The following PALLD variants were observed in gnomAD, a reference collection of about 807,000 sequenced individuals.
PALLD encodes the protein palladin.
PALLD carries 61 observed loss-of-function variants against 123.5 expected under a neutral mutation model. The ratio of observed to expected loss-of-function variants is 0.49; its 90% CI spans 0.40 to 0.61. The LOEUF is 0.61. Ranked by LOEUF, PALLD falls within the 20% of genes least tolerant of loss-of-function variation. The pLI is 0.00. For synonymous variants in PALLD, 465 were observed against 496.4 expected (o/e 0.94, Z 0.84); for missense variants, 1,273 against 1,377.0 (o/e 0.92, Z 1.20).
intron 10 of PALLD, among the ~76,000 whole-genome samples, chr4:168,846,977 C>G (rs1049848514): frequency 6.6e-6 from 1 of 152,144 alleles, no homozygotes; most frequent in Non-Finnish European, 1.5e-5. Context: ...AAAGAAAAGG[C>G]CTGAAATTAG....
intron 10 of PALLD, among the ~76,000 whole-genome samples, chr4:168,882,681 T>G (rs1030150846): frequency 1.3e-5 from 2 of 152,166 alleles, no homozygotes; most frequent in Non-Finnish European, 2.9e-5. Flanking sequence ...GTCCAGTATC[T>G]TATCAAGTTG....
At chr4:168,649,867 A>G (rs573617491) in intron 2 of PALLD, among the ~76,000 whole-genome samples, 1 of 152,336 alleles carries the variant, frequency 6.6e-6, no homozygotes, top group South Asian at 2.1e-4. Flanking sequence ...TCTCTTTTGT[A>G]CATTTTAATA....
intron 2 of PALLD, among the ~76,000 whole-genome samples, chr4:168,573,716 G>C (rs1319170222): frequency 2.0e-5 from 3 of 152,066 alleles, no homozygotes; most frequent in African/African-American, 7.2e-5. Context: ...ATGCTTCTAG[G>C]AGGCCCTCTT....
At chr4:168,609,499 T>C (rs995565567) in intron 2 of PALLD, among the ~76,000 whole-genome samples, 7 of 152,146 alleles carry the variant, frequency 4.6e-5, no homozygotes, top group Admixed American at 3.3e-4. Flanking sequence ...TGACCCCACA[T>C]TGGGCAAGGG....
chr4:168,801,341 C>T (rs1468747454), intron 10 of PALLD, among the ~76,000 whole-genome samples: 1 of 152,314 alleles, frequency 6.6e-6, no homozygotes, highest in East Asian at 1.9e-4. Context: ...TGCAGTGGCA[C>T]GATCTTGGCT....
chr4:168,529,316 AAC>A (rs200598730), intron 2 of PALLD, among the ~76,000 whole-genome samples: 3,337 of 152,088 alleles, frequency 0.022, 132 homozygotes, highest in African/African-American at 0.076. Flanking sequence ...CAGCCTGAGC[AAC>A]AGAGCCAAAC....
At chr4:168,509,010 C>T (rs1762282789) in intron 1 of PALLD, among the ~76,000 whole-genome samples, 1 of 152,140 alleles carries the variant, frequency 6.6e-6, no homozygotes, top group South Asian at 2.1e-4. Flanking sequence ...TACTGGGTGT[C>T]CTTGCAATAG....
At position 168,915,575 on chromosome 4, in the gene PALLD, AAATG is replaced by A. The variant is rs1488700778; in HGVS notation, c.2718-318_2718-315del. Among the ~76,000 whole-genome samples the A allele has an allele frequency of 2.0e-5, 3 of 152,216 alleles. No homozygotes were observed. The East Asian group carries it at 5.8e-4, about 29-fold the overall frequency. On this transcript the variant is annotated intron_variant, in intron 16 of 21. Coordinates refer to ENST00000505667, the MANE Select transcript of PALLD (RefSeq NM_001166108.2). ...CTTCTGTTGAAAAAGATTTGGTAAT[AAATG>A]AGCAATAATGCTACTTTTCATAAAT... is the stretch of plus-strand genomic sequence containing the variant.
At chr4:168,594,198 G>A (rs1214462234) in intron 2 of PALLD, among the ~76,000 whole-genome samples, 2 of 152,210 alleles carry the variant, frequency 1.3e-5, no homozygotes, top group Non-Finnish European at 2.9e-5. Flanking sequence ...AGAGAGGGAA[G>A]GTAAGGAGAT....
chr4:168,912,539 G>A (rs748661290), intron 15 of PALLD, among the ~76,000 whole-genome samples: 24 of 152,172 alleles, frequency 1.6e-4, no homozygotes, highest in Non-Finnish European at 2.8e-4. Context: ...GGTGCCCTGA[G>A]TATTACTTGT....
At chr4:168,580,852 T>G (rs2149650721) in intron 2 of PALLD, among the ~76,000 whole-genome samples, 1 of 152,090 alleles carries the variant, frequency 6.6e-6, no homozygotes. Context: ...CCATTATCCT[T>G]AGCTAACTAA....
At chr4:168,748,540 C>G (rs954024129) in intron 10 of PALLD, among the ~76,000 whole-genome samples, 3 of 152,130 alleles carry the variant, frequency 2.0e-5, no homozygotes, top group African/African-American at 7.2e-5. Context: ...TAAAACACCC[C>G]ACATTTAATA....
At chr4:168,574,701 A>T (rs1769366601) in intron 2 of PALLD, among the ~76,000 whole-genome samples, 1 of 152,048 alleles carries the variant, frequency 6.6e-6, no homozygotes, top group African/African-American at 2.4e-5. Context: ...ATAAGAGTGG[A>T]GAAAAGAAAT....
chr4:168,730,203 G>A (rs1441769983), intron 10 of PALLD, among the ~76,000 whole-genome samples: 2 of 151,302 alleles, frequency 1.3e-5, no homozygotes, highest in African/African-American at 2.4e-5. Context: ...TTCTTTTGTT[G>A]CCTATTTTTA....
Position 168,627,091 on chromosome 4 carries a change from T to A in PALLD, c.909-41099T>A, listed in dbSNP as rs1276733711. 2.0e-5 allele frequency among the ~76,000 whole-genome samples: 3 copies of A among 152,248 alleles called. No individual in the cohort carries two copies. The East Asian group carries it at 5.8e-4, about 29-fold the overall frequency. On this transcript the variant is annotated intron_variant, in intron 2 of 21. Transcript: ENST00000505667. ...AATGATTGAGATGGTATATTTTATG[T>A]GTTTTTTAACAACAACTAACATTTA...
At chr4:168,758,812 A>G in intron 10 of PALLD, among the ~76,000 whole-genome samples, 1 of 152,058 alleles carries the variant, frequency 6.6e-6, no homozygotes, top group East Asian at 1.9e-4. Flanking sequence ...TCTCTCACCA[A>G]GAAATACTAC....
Position 168,703,065 on chromosome 4 carries a change from C to A in PALLD, c.1502-5963C>A, listed in dbSNP as rs536521585. ...CAATGCTATCCCTCCCCCCTCCCCC[C>A]ACCCCACAACAGTCCCCAGAGTGTG... On this transcript the variant is annotated intron_variant, in intron 8 of 21. Coordinates refer to ENST00000505667, the MANE Select transcript of PALLD (RefSeq NM_001166108.2). 4.2e-5 allele frequency among the ~76,000 whole-genome samples: 5 copies of A among 117,692 alleles called. No homozygotes were observed. The South Asian group carries it at 1.7e-3, about 40-fold the overall frequency. 77.2% of individuals were successfully genotyped at this position (117,692 alleles called of 152,430 possible).
At chr4:168,611,153 C>T (rs1245026955) in intron 2 of PALLD, among the ~76,000 whole-genome samples, 8 of 152,088 alleles carry the variant, frequency 5.3e-5, no homozygotes, top group East Asian at 1.9e-4. Context: ...TATCAGCAAA[C>T]GGAGTTGTTT....
intron 2 of PALLD, among the ~76,000 whole-genome samples, chr4:168,613,449 G>A (rs369915774): frequency 6.6e-6 from 1 of 152,154 alleles, no homozygotes. Context: ...ATCTTTACCT[G>A]TCCACATCAT....
Sources: gnomAD v4.1 joint callset for allele counts (sites outside exome capture counted in the v4.1 genomes callset) on GRCh38, gnomAD v4.1.1 for gene constraint, MANE v1.5 for transcripts, NCBI Gene and HGNC (gene_info 2026-07-23, HGNC 2026-07-21) for gene names.